The following PHF2 variants were observed in gnomAD, a reference collection of about 807,000 sequenced individuals.
PHF2 encodes the protein PHD finger protein 2.
PHF2 carries 27 observed loss-of-function variants against 120.5 expected under a neutral mutation model. That is an observed-to-expected ratio of 0.22 (90% CI 0.17 to 0.31). The LOEUF (loss-of-function observed/expected upper bound fraction) is 0.31, where lower values mean the gene tolerates loss of function less well. Among genes scored for constraint, PHF2 ranks in the 10% least tolerant of loss-of-function variants. The probability of loss-of-function intolerance (pLI) is 1.00; values close to 1 mark genes in which losing one functional copy is unlikely to be tolerated. For missense variants in PHF2, 1,024 were observed against 1,434.8 expected, an observed-to-expected ratio of 0.71 and a Z score of 4.63; for synonymous variants, 568 against 592.5, an observed-to-expected ratio of 0.96 and a Z score of 0.60.
intron 1 of PHF2, among the ~76,000 whole-genome samples, chr9:93,607,940 T>TGAGAAA (rs1554792552): frequency 7.8e-6 from 1 of 128,310 alleles, no homozygotes; most frequent in Non-Finnish European, 1.6e-5. Context: ...GGGAAAGAGA[T>TGAGAAA]GAGAGAGAGA....
chr9:93,644,387 C>CAA (rs528111542), intron 3 of PHF2, among the ~76,000 whole-genome samples: 16,373 of 119,478 alleles, frequency 0.14, 1,173 homozygotes, highest in Non-Finnish European at 0.19. Context: ...AACTCCATCT[C>CAA]AAAAAAAAAA....
intron 9 of PHF2, among the ~76,000 whole-genome samples, chr9:93,657,699 A>G (rs575004808): frequency 2.6e-5 from 4 of 152,226 alleles, no homozygotes; most frequent in African/African-American, 9.6e-5. Flanking sequence ...CCACAGCAGG[A>G]GCACACCTCC....
At chr9:93,602,008 C>G (rs1380960569) in intron 1 of PHF2, among the ~76,000 whole-genome samples, 2 of 152,038 alleles carry the variant, frequency 1.3e-5, no homozygotes, top group Non-Finnish European at 2.9e-5. Context: ...GTCCTCCTCT[C>G]TGGAGCTCTT....
At chr9:93,660,117 C>A (rs1826533834) in intron 11 of PHF2, 75 bp from the exon 12 acceptor site, 1 of 1,446,382 alleles carries the variant, frequency 6.9e-7, no homozygotes, top group African/African-American at 1.4e-5. Flanking sequence ...GTGTCTCCAG[C>A]ATCCTGGTGT....
intron 1 of PHF2, among the ~76,000 whole-genome samples, chr9:93,618,560 G>T (rs1825764227): frequency 1.3e-5 from 2 of 152,200 alleles, no homozygotes; most frequent in South Asian, 4.1e-4. Flanking sequence ...TTTGTTTTGG[G>T]TTTTCCACCA....
intron 17 of PHF2, chr9:93,671,017 A>G (rs902900949): frequency 3.6e-5 from 35 of 975,754 alleles, no homozygotes; most frequent in Non-Finnish European, 3.9e-5. Context: ...CTGCAGGTCT[A>G]TGTTCAGGTG....
At chr9:93,605,605 C>T (rs964259605) in intron 1 of PHF2, among the ~76,000 whole-genome samples, 1 of 152,204 alleles carries the variant, frequency 6.6e-6, no homozygotes, top group Non-Finnish European at 1.5e-5. Context: ...ATTCTGTCTA[C>T]TTTACTGTCT....
intron 3 of PHF2, among the ~76,000 whole-genome samples, chr9:93,640,607 ATGT>A (rs1826159066): frequency 6.6e-6 from 1 of 152,086 alleles, no homozygotes. Flanking sequence ...ATGTTCTTAC[ATGT>A]TGTCAGCTTT....
intron 1 of PHF2, among the ~76,000 whole-genome samples, chr9:93,604,129 G>A (rs1376456493): frequency 6.6e-6 from 1 of 152,142 alleles, no homozygotes; most frequent in African/African-American, 2.4e-5. Flanking sequence ...TCTGAGATGG[G>A]GACACCCCTC....
intron 12 of PHF2, among the ~76,000 whole-genome samples, 188 bp from the exon 13 acceptor site, chr9:93,662,719 A>AATGG (rs149000761): frequency 0.14 from 21,613 of 151,362 alleles, 1,598 homozygotes; most frequent in Middle Eastern, 0.18. Context: ...TGAATGAATA[A>AATGG]ATGGATGGAT....
chr9:93,592,294 A>C (rs1251039167), intron 1 of PHF2, among the ~76,000 whole-genome samples: 1 of 152,058 alleles, frequency 6.6e-6, no homozygotes, highest in African/African-American at 2.4e-5. Flanking sequence ...CCACTGTGGG[A>C]GCAGCGGGGT....
chr9:93,633,722 G>A (rs1296801542), intron 2 of PHF2, among the ~76,000 whole-genome samples: 1 of 152,212 alleles, frequency 6.6e-6, no homozygotes, highest in Non-Finnish European at 1.5e-5. Flanking sequence ...AGGTACGCAG[G>A]TGTAGCCGGG....
chr9:93,676,824 G>A lies in PHF2; in HGVS notation c.3063G>A (p.Leu1021=). The A allele has an allele frequency of 6.4e-7, 1 of 1,556,992 alleles. No homozygotes were observed. The highest frequency in any genetic ancestry group is 1.2e-5 in the South Asian group (1 of 84,520). ...EPPPESHSSS[L]ADHEYTAAGT... is the part of the protein sequence containing the mutation. ...CGCCTGAGTCGCATAGCAGCAGCCT[G>A]GCGGACCATGAGTACACAGCCGCTG... Residue 1021 remains leucine, a synonymous_variant, in exon 21 of 22, where the codon CTG becomes CTA. Transcript: ENST00000359246.
At chr9:93,618,842 G>GTA (rs1825772615) in intron 1 of PHF2, among the ~76,000 whole-genome samples, 6 of 140,906 alleles carry the variant, frequency 4.3e-5, no homozygotes, top group Admixed American at 7.4e-5. Flanking sequence ...TGTGGTGTGT[G>GTA]TGTGTGCCTG....
At chr9:93,587,044 A>G (rs1361512644) in intron 1 of PHF2, among the ~76,000 whole-genome samples, 1 of 152,246 alleles carries the variant, frequency 6.6e-6, no homozygotes, top group East Asian at 1.9e-4. Context: ...GTGCAGGAAG[A>G]TGAGGACAAG....
intron 17 of PHF2, among the ~76,000 whole-genome samples, chr9:93,669,042 G>C (rs73523922): frequency 0.017 from 2,612 of 152,346 alleles, 34 homozygotes; most frequent in Middle Eastern, 0.044. Flanking sequence ...TATGATAATT[G>C]GTGGATTAAA....
At chr9:93,661,277 C>T (rs1220945639) in intron 12 of PHF2, among the ~76,000 whole-genome samples, 1 of 152,152 alleles carries the variant, frequency 6.6e-6, no homozygotes, top group Non-Finnish European at 1.5e-5. Flanking sequence ...TATCTGCTTC[C>T]TGGGGGCCAG....
chr9:93,661,918 T>A (rs1253641283), intron 12 of PHF2, among the ~76,000 whole-genome samples: 2 of 148,852 alleles, frequency 1.3e-5, no homozygotes, highest in Non-Finnish European at 3.0e-5. Context: ...GATAGATGAA[T>A]GAAAAAATGG....
chr9:93,577,296 C>G (rs943658700), intron 1 of PHF2, among the ~76,000 whole-genome samples: 5 of 151,562 alleles, frequency 3.3e-5, no homozygotes, highest in Non-Finnish European at 5.9e-5. Flanking sequence ...ACTTTCCCCG[C>G]GCGGGCTCGG....
Sources: allele counts gnomAD v4.1 joint callset (sites outside exome capture counted in the v4.1 genomes callset), GRCh38; gene constraint gnomAD v4.1.1; transcripts MANE v1.5; gene names NCBI Gene and HGNC (gene_info 2026-07-23, HGNC 2026-07-21).